The following MMP24 variants were observed in gnomAD, a reference collection of about 807,000 sequenced individuals.
The protein encoded by MMP24 is matrix metallopeptidase 24, also known as matrix metalloproteinase-24.
MMP24 carries 25 observed loss-of-function variants against 62.8 expected under a neutral mutation model. The ratio of observed to expected loss-of-function variants is 0.40; its 90% CI spans 0.29 to 0.56. The LOEUF is 0.56. Ranked by LOEUF, MMP24 falls within the 20% of genes least tolerant of loss-of-function variation. MMP24 has a pLI of 0.50. For missense variants in MMP24, 634 were observed against 853.6 expected (o/e 0.74, Z 3.21); for synonymous variants, 319 against 350.5 (o/e 0.91, Z 1.00).
rs1251180750 is a variant in MMP24, at chr20:35,267,263, G to A, written c.1038G>A (p.Arg346=). 3.7e-6 allele frequency: 6 copies of A among 1,606,756 alleles called. No homozygotes were observed. The highest frequency in any genetic ancestry group is 5.1e-6 in the Non-Finnish European group (6 of 1,176,960). The part of the protein sequence containing the change: ...TRPLPTLPVR[R]IHSPSERKHE... The stretch of plus-strand genomic sequence containing the variant: ...CACTCCCTACACTCCCCGTCCGCAG[G>A]ATCCACTCACCATCGGAGAGGAAAC... The change falls in exon 6 of 9, where the codon AGG becomes AGA. Residue 346 remains arginine, a synonymous_variant. Coordinates refer to ENST00000246186, the MANE Select transcript of MMP24 (RefSeq NM_006690.4).
intron 8 of MMP24, chr20:35,272,278 T>TA: frequency 9.7e-6 from 4 of 413,700 alleles, no homozygotes; most frequent in Non-Finnish European, 1.3e-5. Context: ...CTCTGTCGCC[T>TA]AGGCTGGAAT....
At chr20:35,244,938 C>A (rs2060507079) in intron 1 of MMP24, among the ~76,000 whole-genome samples, 1 of 151,882 alleles carries the variant, frequency 6.6e-6, no homozygotes, top group African/African-American at 2.4e-5. Flanking sequence ...TCAGTCAATT[C>A]TTTTTTATTT....
At chr20:35,272,092 A>G in intron 8 of MMP24, 1 of 566,174 alleles carries the variant, frequency 1.8e-6, no homozygotes, top group East Asian at 2.9e-5. Flanking sequence ...TTCAGACAGC[A>G]TTTCTCAAAC....
intron 7 of MMP24, 142 bp downstream of exon 7, chr20:35,270,040 A>C: frequency 9.1e-7 from 1 of 1,095,172 alleles, no homozygotes; most frequent in Non-Finnish European, 1.3e-6. Flanking sequence ...GACCTCTGAC[A>C]AATCAAGTCA....
chr20:35,276,473 T>G lies in MMP24; in HGVS notation c.*1864T>G, dbSNP rs529713999. ...CCTCAGATGAAGCACAGAGAGGTTGTTACTTGCCCGGGCCATCCAGTGGGC... is the reference window on the plus strand; with the variant it reads ...CCTCAGATGAAGCACAGAGAGGTTGGTACTTGCCCGGGCCATCCAGTGGGC... On this transcript the variant is annotated 3_prime_UTR_variant, in exon 9 of 9. Coordinates refer to ENST00000246186, the MANE Select transcript of MMP24 (RefSeq NM_006690.4). The G allele has an allele frequency of 3.0e-5, 12 of 395,848 alleles. No homozygotes were observed. Among genetic ancestry groups the G allele is most frequent in the Non-Finnish European group, 4.5e-5 (10 of 224,572 alleles). The allele number at this position is 395,848 out of a possible 1,614,324, so 24.5% of individuals were successfully genotyped here.
chr20:35,271,931 G>A lies in MMP24; in HGVS notation c.1600+96G>A, dbSNP rs1048856806. ...ATACTCAGTGCCCATGGGCGTCCAG[G>A]TTTGAAAAAACACCTGGTGGCAGAC... On this transcript the variant is annotated intron_variant, in intron 8 of 8. Transcript: ENST00000246186. The surrounding 1 kb of genome is among the most constrained non-coding windows in gnomAD (Gnocchi z 4.0). 2.2e-5 allele frequency: 30 copies of A among 1,387,276 alleles called. No homozygotes were observed. Among genetic ancestry groups the A allele is most frequent in the Middle Eastern group, 5.2e-4 (2 of 3,878 alleles). The allele number at this position is 1,387,276 out of a possible 1,614,324, so 85.9% of individuals were successfully genotyped here.
At chr20:35,252,552 T>C (rs1330145910) in intron 3 of MMP24, among the ~76,000 whole-genome samples, 3 of 152,244 alleles carry the variant, frequency 2.0e-5, no homozygotes, top group African/African-American at 4.8e-5. Context: ...ATCCACCTGA[T>C]GGACTTCACC....
intron 2 of MMP24, among the ~76,000 whole-genome samples, chr20:35,249,122 A>G (rs2060531394): frequency 6.6e-6 from 1 of 152,174 alleles, no homozygotes; most frequent in African/African-American, 2.4e-5. Context: ...TTATTAATCC[A>G]AGACCTGAGA....
chr20:35,271,441 G>A lies in MMP24; in HGVS notation c.1334-128G>A, dbSNP rs6058219. The A allele has an allele frequency of 1.4e-5, 17 of 1,228,400 alleles. No homozygotes were observed. Among genetic ancestry groups the A allele is most frequent in the Middle Eastern group, 2.0e-4 (1 of 4,912 alleles). The allele number at this position is 1,228,400 out of a possible 1,614,324, so 76.1% of individuals were successfully genotyped here. ...GGATCTGTGACTGGCCTCAGGCTTC[G>A]TGCCCTTCCCAACTCTAACTGGGCC... On this transcript the variant is annotated intron_variant, in intron 7 of 8. Transcript: ENST00000246186. This position sits in a 1 kb window ranked among gnomAD's most constrained non-coding sequence, Gnocchi z 4.0.
intron 5 of MMP24, chr20:35,264,255 A>T (rs1402450484): frequency 1.4e-5 from 3 of 210,428 alleles, no homozygotes; most frequent in Admixed American, 5.9e-5. Flanking sequence ...CCGTCCCTTC[A>T]TGCTTCTCTC....
intron 1 of MMP24, among the ~76,000 whole-genome samples, chr20:35,237,220 G>A (rs2060468278): frequency 6.6e-6 from 1 of 152,176 alleles, no homozygotes; most frequent in Non-Finnish European, 1.5e-5. Context: ...GAGGTCAGAA[G>A]TCCAAAATGG....
Position 35,251,991 on chromosome 20 carries a change from A to T in MMP24, c.482A>T (p.Gln161Leu). The T allele has an allele frequency of 6.2e-7, 1 of 1,614,054 alleles. No homozygotes were observed. Among genetic ancestry groups the T allele is most frequent in the Non-Finnish European group, 8.5e-7 (1 of 1,179,886 alleles). Residue 161 changes from glutamine to leucine, a missense_variant, in exon 3 of 9, where the codon CAG (glutamine) becomes CTG (leucine). This residue lies in a region of MMP24 where 212 missense variants were observed against 259.6 expected (regional missense o/e 0.82). Transcript: ENST00000246186. The part of the protein sequence containing the change: ...RRNKRYALTG[Q>L]KWRQKHITYS... ...AACAAGCGCTATGCCCTGACTGGAC[A>T]GAAGTGGAGGCAAAAACACATCACC...
chr20:35,230,814 T>C (rs2060434368), intron 1 of MMP24, among the ~76,000 whole-genome samples: 1 of 152,236 alleles, frequency 6.6e-6, no homozygotes, highest in African/African-American at 2.4e-5. Flanking sequence ...GAACTTTTCC[T>C]AGTTCTCCTG....
At chr20:35,248,859 G>A (rs902455990) in intron 2 of MMP24, among the ~76,000 whole-genome samples, 7 of 152,204 alleles carry the variant, frequency 4.6e-5, no homozygotes, top group African/African-American at 1.7e-4. Context: ...CCTCATGGCA[G>A]TGCATCCTGG....
At chr20:35,250,797 C>G (rs1373234057) in intron 2 of MMP24, among the ~76,000 whole-genome samples, 3 of 152,100 alleles carry the variant, frequency 2.0e-5, no homozygotes, top group Admixed American at 2.0e-4. Flanking sequence ...ACAACCAGAT[C>G]TCATGAGAAC....
chr20:35,273,445 G>A (rs894238384), intron 8 of MMP24, among the ~76,000 whole-genome samples: 1 of 152,080 alleles, frequency 6.6e-6, no homozygotes, highest in Non-Finnish European at 1.5e-5. Context: ...ACGAGCTAGA[G>A]GGGGCCGTGT....
chr20:35,240,918 C>T (rs978267245), intron 1 of MMP24, among the ~76,000 whole-genome samples: 1 of 152,186 alleles, frequency 6.6e-6, no homozygotes, highest in Admixed American at 6.5e-5. Flanking sequence ...ATATCCATGA[C>T]TGGGTATGAT....
In MMP24 at chr20:35,276,131, G is replaced by A; in HGVS notation, c.*1522G>A. ...CATGGGCCTTGCCCCCGACCCTGTGGTCTCTGGGATTGGGGTCGGCTTACC... is the reference window on the plus strand; with the variant it reads ...CATGGGCCTTGCCCCCGACCCTGTGATCTCTGGGATTGGGGTCGGCTTACC... On this transcript the variant is annotated 3_prime_UTR_variant, in exon 9 of 9. Coordinates refer to ENST00000246186, the MANE Select transcript of MMP24 (RefSeq NM_006690.4). 1 of 398,732 alleles carries A rather than the reference G, an allele frequency of 2.5e-6. No homozygotes were observed. The highest frequency in any genetic ancestry group is 4.4e-6 in the Non-Finnish European group (1 of 226,124). The allele number at this position is 398,732 out of a possible 1,614,324, so 24.7% of individuals were successfully genotyped here. A position where few individuals can be genotyped will look rare whatever the true frequency, so the allele number is the denominator to read the frequency against.
rs2060668598 is a variant in MMP24, at chr20:35,271,478, G to A, written c.1334-91G>A. 2 of 1,473,612 alleles carry A rather than the reference G, an allele frequency of 1.4e-6. No individual in the cohort carries two copies. Among genetic ancestry groups the A allele is most frequent in the Admixed American group, 2.2e-5 (1 of 46,410 alleles). 91.3% of individuals were successfully genotyped at this position (1,473,612 alleles called of 1,614,324 possible). A position where few individuals can be genotyped will look rare whatever the true frequency, so the allele number is the denominator to read the frequency against. ...ACTCTAACTGGGCCAAGGGGCTGAGGGCATCAGACTGTTTTCACCTGACAC... is the reference window on the plus strand; with the variant it reads ...ACTCTAACTGGGCCAAGGGGCTGAGAGCATCAGACTGTTTTCACCTGACAC... On this transcript the variant is annotated intron_variant, in intron 7 of 8. Coordinates refer to ENST00000246186, the MANE Select transcript of MMP24 (RefSeq NM_006690.4). The surrounding 1 kb of genome is among the most constrained non-coding windows in gnomAD (Gnocchi z 4.0).
Sources: gnomAD v4.1 joint callset for allele counts (sites outside exome capture counted in the v4.1 genomes callset) on GRCh38, gnomAD v4.1.1 for gene constraint, gnomAD v4.1.1 regional missense constraint, Gnocchi (gnomAD v3.1) non-coding constraint, MANE v1.5 for transcripts, NCBI Gene and HGNC (gene_info 2026-07-23, HGNC 2026-07-21) for gene names.